Variants in DLG2 observed in about 807,000 individuals in gnomAD.
The protein encoded by DLG2 is disks large homolog 2.
A neutral mutation model predicts 132.5 loss-of-function variants in DLG2; 45 were observed. The observed-to-expected ratio is 0.34, with a 90% confidence interval of 0.27 to 0.44. DLG2 has a LOEUF of 0.44. Ranked by LOEUF, DLG2 falls within the 20% of genes least tolerant of loss-of-function variation. The pLI is 1.00. For missense variants in DLG2, 1,045 were observed against 1,196.9 expected, an observed-to-expected ratio of 0.87 and a Z score of 1.87; for synonymous variants, 424 against 419.6, an observed-to-expected ratio of 1.01 and a Z score of -0.13.
Position 83,849,417 on chromosome 11 carries a change from A to G in DLG2, c.1566-15647T>C, listed in dbSNP as rs79775619. 3.3e-3 allele frequency among the ~76,000 whole-genome samples: 503 copies of G among 151,812 alleles called. 3 individuals carry two copies. The highest frequency in any genetic ancestry group is 0.012 in the African/African-American group (485 of 41,514). Reference sequence around the variant, plus strand: ...ATAAACATTTGTCAAGTATTGTGTTATAGATGAAGATTATTATGACCGACT... The same window carrying G: ...ATAAACATTTGTCAAGTATTGTGTTGTAGATGAAGATTATTATGACCGACT... On this transcript the variant is annotated intron_variant, in intron 16 of 27. Transcript: ENST00000376104.
chr11:83,893,970 T>C (rs746493609), intron 15 of DLG2, among the ~76,000 whole-genome samples: 2 of 152,216 alleles, frequency 1.3e-5, no homozygotes, highest in Non-Finnish European at 2.9e-5. Flanking sequence ...ATACCATTGG[T>C]TTGTAATTGC....
At chr11:83,873,408 C>T (rs1377360850) in intron 16 of DLG2, among the ~76,000 whole-genome samples, 1 of 152,124 alleles carries the variant, frequency 6.6e-6, no homozygotes, top group Non-Finnish European at 1.5e-5. Flanking sequence ...GGGGCAGCTT[C>T]TCCCATACTG....
At chr11:84,657,999 G>A (rs2099690236) in intron 6 of DLG2, among the ~76,000 whole-genome samples, 1 of 152,064 alleles carries the variant, frequency 6.6e-6, no homozygotes, top group Admixed American at 6.6e-5. Flanking sequence ...TGGAAGCTTT[G>A]GTATAGCAAT....
At chr11:85,239,096 C>T (rs1007060766) in intron 4 of DLG2, among the ~76,000 whole-genome samples, 15 of 151,978 alleles carry the variant, frequency 9.9e-5, no homozygotes, top group African/African-American at 2.9e-4. Flanking sequence ...TTTGAGTGAT[C>T]GCTTTTTGCT....
chr11:84,752,207 C>T (rs2066212803), intron 6 of DLG2, among the ~76,000 whole-genome samples: 1 of 152,178 alleles, frequency 6.6e-6, no homozygotes, highest in Non-Finnish European at 1.5e-5. Context: ...CTCTTCACTT[C>T]ACTTTCCTTC....
At chr11:84,376,761 C>A (rs976017920) in intron 7 of DLG2, among the ~76,000 whole-genome samples, 1 of 151,316 alleles carries the variant, frequency 6.6e-6, no homozygotes, top group South Asian at 2.1e-4. Flanking sequence ...GAGTGGCAAC[C>A]ATTTACTATG....
intron 18 of DLG2, among the ~76,000 whole-genome samples, chr11:83,644,177 A>G (rs1489299059): frequency 3.3e-5 from 5 of 152,242 alleles, no homozygotes; most frequent in Admixed American, 6.5e-5. Flanking sequence ...ACATACAACT[A>G]TTTATTTATC....
chr11:83,526,289 T>G (rs2095608132), intron 21 of DLG2, among the ~76,000 whole-genome samples: 1 of 152,200 alleles, frequency 6.6e-6, no homozygotes, highest in Non-Finnish European at 1.5e-5. Flanking sequence ...ACTTTTGAGT[T>G]CAGGTTTTCA....
intron 6 of DLG2, among the ~76,000 whole-genome samples, chr11:84,608,076 T>C (rs2099588935): frequency 6.6e-6 from 1 of 152,138 alleles, no homozygotes; most frequent in African/African-American, 2.4e-5. Flanking sequence ...CAATTCCTTA[T>C]AAGCATCTCT....
At chr11:85,124,402 C>T (rs922865934) in intron 5 of DLG2, among the ~76,000 whole-genome samples, 5 of 152,190 alleles carry the variant, frequency 3.3e-5, no homozygotes, top group Non-Finnish European at 1.5e-5. Context: ...AATAATTTCT[C>T]TCATCCTTTC....
At chr11:85,374,531 G>A (rs960003017) in intron 3 of DLG2, among the ~76,000 whole-genome samples, 10 of 152,122 alleles carry the variant, frequency 6.6e-5, no homozygotes, top group African/African-American at 2.4e-4. Context: ...TAGAGATGGG[G>A]TTTCACCATG....
intron 6 of DLG2, among the ~76,000 whole-genome samples, chr11:84,734,439 G>C (rs1417590989): frequency 1.3e-5 from 2 of 152,204 alleles, no homozygotes; most frequent in African/African-American, 4.8e-5. Flanking sequence ...CTCTCTGTTT[G>C]TCTGTTATTG....
intron 2 of DLG2, among the ~76,000 whole-genome samples, chr11:85,619,636 T>G (rs1458146019): frequency 2.6e-5 from 4 of 151,834 alleles, no homozygotes; most frequent in African/African-American, 9.7e-5. Flanking sequence ...GAGTTTGAGG[T>G]CAGCCTGCCC....
At chr11:85,301,234 G>A (rs2079566558) in intron 3 of DLG2, among the ~76,000 whole-genome samples, 1 of 152,006 alleles carries the variant, frequency 6.6e-6, no homozygotes, top group South Asian at 2.1e-4. Flanking sequence ...CAACTCATTA[G>A]AGAAGGACAA....
intron 6 of DLG2, among the ~76,000 whole-genome samples, chr11:85,022,917 C>G (rs1352498149): frequency 6.6e-6 from 1 of 152,010 alleles, no homozygotes; most frequent in Non-Finnish European, 1.5e-5. Flanking sequence ...AATGACATAT[C>G]CTCCAAGGGA....
chr11:84,261,109 G>A (rs2097543196), intron 7 of DLG2, among the ~76,000 whole-genome samples: 1 of 152,208 alleles, frequency 6.6e-6, no homozygotes, highest in African/African-American at 2.4e-5. Flanking sequence ...TTAGGTGCCA[G>A]AATTCAGAGC....
At chr11:85,619,054 GTAGT>G (rs1258973670) in intron 2 of DLG2, among the ~76,000 whole-genome samples, 1 of 152,136 alleles carries the variant, frequency 6.6e-6, no homozygotes, top group African/African-American at 2.4e-5. Context: ...CTCCTAATCA[GTAGT>G]TAAACACAAA....
At chr11:84,148,943 T>A (rs2095192259) in intron 9 of DLG2, among the ~76,000 whole-genome samples, 1 of 152,202 alleles carries the variant, frequency 6.6e-6, no homozygotes, top group African/African-American at 2.4e-5. Flanking sequence ...TCACTGTGGT[T>A]TTGATTTGCA....
chr11:83,613,664 G>A (rs2060417472), intron 19 of DLG2, among the ~76,000 whole-genome samples: 1 of 152,162 alleles, frequency 6.6e-6, no homozygotes, highest in Non-Finnish European at 1.5e-5. Context: ...TCATTAGCTA[G>A]CTGCAGGTTT....
Sources: allele counts gnomAD v4.1 joint callset (sites outside exome capture counted in the v4.1 genomes callset), GRCh38; gene constraint gnomAD v4.1.1; transcripts MANE v1.5; gene names NCBI Gene and HGNC (gene_info 2026-07-23, HGNC 2026-07-21).